The following ZBTB20 variants were observed in gnomAD, a reference collection of about 807,000 sequenced individuals.
ZBTB20 encodes zinc finger and BTB domain containing 20, also known as zinc finger and BTB domain-containing protein 20.
In ZBTB20, 9 loss-of-function variants were observed where a neutral mutation model predicts 56.9. The ratio of observed to expected loss-of-function variants is 0.16; its 90% CI spans 0.10 to 0.28. The LOEUF is 0.28. Among genes scored for constraint, ZBTB20 ranks in the 10% least tolerant of loss-of-function variants. The pLI, the probability that ZBTB20 is intolerant of heterozygous loss-of-function variation, is 1.00. For missense variants in ZBTB20, 655 were observed against 1,003.0 expected, an observed-to-expected ratio of 0.65 and a Z score of 4.69; for synonymous variants, 417 against 420.7, an observed-to-expected ratio of 0.99 and a Z score of 0.11.
At chr3:115,125,361 G>C (rs1354917246) in intron 1 of ZBTB20, among the ~76,000 whole-genome samples, 1 of 145,530 alleles carries the variant, frequency 6.9e-6, no homozygotes, top group Non-Finnish European at 1.5e-5. Context: ...AAAAAAAAAA[G>C]AAAATGTGAC....
chr3:115,057,604 T>A (rs1348426390), intron 2 of ZBTB20, among the ~76,000 whole-genome samples: 1 of 152,210 alleles, frequency 6.6e-6, no homozygotes, highest in African/African-American at 2.4e-5. Flanking sequence ...AAGTGTGTTA[T>A]ATTTACTCAT....
intron 6 of ZBTB20, among the ~76,000 whole-genome samples, chr3:114,506,739 G>C (rs1333201108): frequency 6.6e-6 from 1 of 152,148 alleles, no homozygotes; most frequent in Admixed American, 6.6e-5. Flanking sequence ...TAATCATTTA[G>C]ACTTGTCACT....
At chr3:115,001,188 T>C (rs1256628483) in intron 2 of ZBTB20, among the ~76,000 whole-genome samples, 1 of 151,304 alleles carries the variant, frequency 6.6e-6, no homozygotes, top group Admixed American at 6.6e-5. Flanking sequence ...TATTATACTC[T>C]TCAGTGTTTT....
At chr3:114,919,074 C>A (rs973190040) in intron 3 of ZBTB20, among the ~76,000 whole-genome samples, 1 of 152,098 alleles carries the variant, frequency 6.6e-6, no homozygotes, top group South Asian at 2.1e-4. Context: ...TCTTGTAAAT[C>A]CCTTTTAAGC....
At chr3:114,489,657 A>G (rs2042514494) in intron 7 of ZBTB20, among the ~76,000 whole-genome samples, 1 of 151,986 alleles carries the variant, frequency 6.6e-6, no homozygotes, top group Admixed American at 6.6e-5. Context: ...GGAATTATGG[A>G]TGTTTCCCCT....
At chr3:114,549,751 T>A (rs985508914) in intron 6 of ZBTB20, among the ~76,000 whole-genome samples, 5 of 151,040 alleles carry the variant, frequency 3.3e-5, no homozygotes, top group African/African-American at 1.2e-4. Context: ...TTGACCTTTT[T>A]CTTTTTTTTT....
At chr3:115,137,171 GA>G (rs1369182453) in intron 1 of ZBTB20, among the ~76,000 whole-genome samples, 59 of 151,890 alleles carry the variant, frequency 3.9e-4, no homozygotes, top group African/African-American at 1.4e-3. Flanking sequence ...TTCTCATAAG[GA>G]ACAGTAAAGA....
At chr3:115,084,051 GT>G (rs1416376922) in intron 1 of ZBTB20, among the ~76,000 whole-genome samples, 3 of 151,590 alleles carry the variant, frequency 2.0e-5, no homozygotes, top group Admixed American at 6.6e-5. Context: ...AGTGTTAAAA[GT>G]TTTTTTAATA....
intron 7 of ZBTB20, among the ~76,000 whole-genome samples, chr3:114,484,964 C>A (rs1027742737): frequency 6.6e-6 from 1 of 152,146 alleles, no homozygotes; most frequent in Non-Finnish European, 1.5e-5. Flanking sequence ...TTAAAAGGAA[C>A]TTTGATCTTT....
At chr3:114,709,535 C>T (rs557213078) in intron 5 of ZBTB20, among the ~76,000 whole-genome samples, 92 of 152,276 alleles carry the variant, frequency 6.0e-4, no homozygotes, top group African/African-American at 2.1e-3. Flanking sequence ...ACCTATCAAT[C>T]CAGTACATGC....
chr3:114,336,658 T>C lies in ZBTB20; in HGVS notation c.*2347A>G, dbSNP rs965713053. 2.6e-5 allele frequency: 4 copies of C among 152,230 alleles called. No homozygotes were observed. Among genetic ancestry groups the C allele is most frequent in the African/African-American group, 4.8e-5 (2 of 41,458 alleles). 9.4% of individuals were successfully genotyped at this position (152,230 alleles called of 1,614,324 possible). Reference sequence around the variant, plus strand: ...CCAAGTTAACCAAATGTCTAAAATATATGAATAAAACCAATTTAGTCATTA... The same window carrying C: ...CCAAGTTAACCAAATGTCTAAAATACATGAATAAAACCAATTTAGTCATTA... On this transcript the variant is annotated 3_prime_UTR_variant, in exon 12 of 12. Transcript: ENST00000675478.
At chr3:114,932,958 T>C (rs898533480) in intron 3 of ZBTB20, among the ~76,000 whole-genome samples, 2 of 152,164 alleles carry the variant, frequency 1.3e-5, no homozygotes, top group African/African-American at 2.4e-5. Context: ...CCTCTTCTTT[T>C]GCTTTCCTTA....
At chr3:114,372,922 T>C (rs1473954674) in intron 10 of ZBTB20, among the ~76,000 whole-genome samples, 1 of 152,282 alleles carries the variant, frequency 6.6e-6, no homozygotes, top group East Asian at 1.9e-4. Context: ...CAGAATACTT[T>C]CTTTTTTTTT....
chr3:114,725,198 G>C (rs949602926), intron 5 of ZBTB20, among the ~76,000 whole-genome samples: 42 of 152,146 alleles, frequency 2.8e-4, no homozygotes, highest in African/African-American at 8.9e-4. Flanking sequence ...TTTAAACCAT[G>C]TGCAAATACA....
intron 6 of ZBTB20, among the ~76,000 whole-genome samples, chr3:114,679,384 A>C (rs2061828001): frequency 6.6e-6 from 1 of 152,240 alleles, no homozygotes; most frequent in Admixed American, 6.5e-5. Context: ...CCATCTATCC[A>C]TGTGACAAAG....
Position 115,089,158 on chromosome 3 carries a change from T to C in ZBTB20, c.-702-17744A>G, listed in dbSNP as rs80069612. ...GAGGAACAGCCTGATTCTGAATAAC[T>C]GCAAAGCAGAGTCAGAAATTGTATA... On this transcript the variant is annotated intron_variant, in intron 1 of 11. Coordinates refer to ENST00000675478, the MANE Select transcript of ZBTB20 (RefSeq NM_001348800.3). Among the ~76,000 whole-genome samples the C allele has an allele frequency of 8.0e-3, 1,222 of 151,922 alleles. 8 individuals carry two copies. Among genetic ancestry groups the C allele is most frequent in the Non-Finnish European group, 9.0e-3 (610 of 67,824 alleles).
At chr3:114,400,415 C>T (rs555623065) in intron 7 of ZBTB20, among the ~76,000 whole-genome samples, 2 of 152,096 alleles carry the variant, frequency 1.3e-5, no homozygotes, top group South Asian at 4.1e-4. Flanking sequence ...TCAATGTTGT[C>T]TGGAAGATTT....
At position 114,627,804 on chromosome 3, in the gene ZBTB20, A is replaced by G. The variant is rs967238304; in HGVS notation, c.-295+65724T>C. On this transcript the variant is annotated intron_variant, in intron 6 of 11. Coordinates refer to ENST00000675478, the MANE Select transcript of ZBTB20 (RefSeq NM_001348800.3). Reference sequence around the variant, plus strand: ...CATCCGTTTCCTCTTTTCTTTTCCCAGATTGATTTCCAGCTCTAAATTCAT... The same window carrying G: ...CATCCGTTTCCTCTTTTCTTTTCCCGGATTGATTTCCAGCTCTAAATTCAT... Among the ~76,000 whole-genome samples the G allele has an allele frequency of 1.4e-4, 21 of 152,180 alleles. 1 individual carries two copies. The highest frequency in any genetic ancestry group is 1.5e-5 in the Non-Finnish European group (1 of 68,026).
At chr3:115,125,301 T>C (rs2084296592) in intron 1 of ZBTB20, among the ~76,000 whole-genome samples, 1 of 150,880 alleles carries the variant, frequency 6.6e-6, no homozygotes, top group Non-Finnish European at 1.5e-5. Flanking sequence ...CATGATTGTG[T>C]CACTGCACTG....
Sources: allele counts gnomAD v4.1 joint callset (sites outside exome capture counted in the v4.1 genomes callset), GRCh38; gene constraint gnomAD v4.1.1; transcripts MANE v1.5; gene names NCBI Gene and HGNC (gene_info 2026-07-23, HGNC 2026-07-21).